Variants in KIAA0825 observed in about 807,000 individuals in gnomAD.
The protein encoded by KIAA0825 is uncharacterized protein KIAA0825.
Under a neutral mutation model 147.6 loss-of-function variants are expected in KIAA0825, and 119 were observed. That is an observed-to-expected ratio of 0.81 (90% confidence interval 0.69 to 0.94). The LOEUF (loss-of-function observed/expected upper bound fraction) is 0.94. Among genes scored for constraint, KIAA0825 ranks in the 40% least tolerant of loss-of-function variants. The pLI, the probability that KIAA0825 is intolerant of heterozygous loss-of-function variation, is 0.00. For synonymous variants in KIAA0825, 470 were observed against 518.1 expected (o/e 0.91, Z 1.26); for missense variants, 1,381 against 1,472.7 (o/e 0.94, Z 1.02).
At position 94,417,297 on chromosome 5, in the gene KIAA0825, A is replaced by G. The variant is rs368776730; in HGVS notation, c.2566T>C (p.Leu856=). Residue 856 remains leucine, a synonymous_variant, in exon 15 of 21, where the codon TTG becomes CTG. Coordinates refer to ENST00000682413, the MANE Select transcript of KIAA0825 (RefSeq NM_001145678.3). ...TGTGGAGAAAAACTGCAATGGTACA[A>G]TATTTTAAAGATGGCTTCCATCAAG... ...PSLMEAIFKI[L]YHCSFSPQTF... is the part of the protein sequence containing the mutation. 3 of 1,550,804 alleles carry G rather than the reference A, an allele frequency of 1.9e-6. No homozygotes were observed. In the African/African-American group the frequency reaches 4.1e-5, roughly 21 times the overall value.
chr5:94,386,406 T>G lies in KIAA0825; in HGVS notation c.3457-2A>C, dbSNP rs750122867. 6.2e-5 allele frequency: 96 copies of G among 1,542,162 alleles called. No individual in the cohort carries two copies. Among genetic ancestry groups the G allele is most frequent in the Non-Finnish European group, 8.0e-5 (92 of 1,143,916 alleles). Reference sequence around the variant, plus strand: ...AAACAGCTGTTCTTTTAAATATTCCTTCAAAGAAAAGAAATTACAAGTTGT... The same window carrying G: ...AAACAGCTGTTCTTTTAAATATTCCGTCAAAGAAAAGAAATTACAAGTTGT... On this transcript the variant is annotated splice_acceptor_variant, in intron 18 of 20. Transcript: ENST00000682413. LOFTEE classifies it high-confidence loss of function.
At chr5:94,578,672 A>C (rs1781505984) in intron 2 of KIAA0825, among the ~76,000 whole-genome samples, 1 of 152,218 alleles carries the variant, frequency 6.6e-6, no homozygotes, top group African/African-American at 2.4e-5. Flanking sequence ...TCATACAGAA[A>C]AATAAAAATG....
At chr5:94,523,324 C>A (rs1768579998) in intron 4 of KIAA0825, among the ~76,000 whole-genome samples, 1 of 151,546 alleles carries the variant, frequency 6.6e-6, no homozygotes, top group Admixed American at 6.6e-5. Context: ...CTTGGAGAAA[C>A]AAGTGTGATA....
chr5:94,531,793 G>A (rs905070885), intron 3 of KIAA0825, among the ~76,000 whole-genome samples: 3 of 152,150 alleles, frequency 2.0e-5, no homozygotes, highest in African/African-American at 7.2e-5. Flanking sequence ...AAAAACGATT[G>A]CAAACATTAA....
rs574795957 is a variant in KIAA0825, at chr5:94,592,354, C to T, written c.-152-9771G>A. On this transcript the variant is annotated intron_variant, in intron 1 of 20. Transcript: ENST00000682413. ...AGCCCCATGCAAGTCCAAAATCTGG[C>T]AGGGCAGTCAAATCTTAAAGCTTCA... 2.0e-5 allele frequency among the ~76,000 whole-genome samples: 3 copies of T among 152,268 alleles called. No individual in the cohort carries two copies. The East Asian group carries it at 5.8e-4, about 29-fold the overall frequency.
Position 94,384,420 on chromosome 5 carries a change from G to C in KIAA0825, c.3658C>G (p.Pro1220Ala). ...ATCTTATCCAGTCTCAGATAATTTGGCAGCAACTTTGCCCAATTCCAGTTC... is the reference window on the plus strand; with the variant it reads ...ATCTTATCCAGTCTCAGATAATTTGCCAGCAACTTTGCCCAATTCCAGTTC... ...KWNWNWAKLLPNYLRLDKMTF... is the reference protein window; with the variant it reads ...KWNWNWAKLLANYLRLDKMTF... Residue 1220 changes from proline (P) to alanine (A), a missense_variant, in exon 20 of 21, where the codon CCA (proline) becomes GCA (alanine). Coordinates refer to ENST00000682413, the MANE Select transcript of KIAA0825 (RefSeq NM_001145678.3). The C allele has an allele frequency of 6.4e-7, 1 of 1,551,870 alleles. No homozygotes were observed. Among genetic ancestry groups the C allele is most frequent in the Non-Finnish European group, 8.7e-7 (1 of 1,146,954 alleles).
At chr5:94,375,267 G>A (rs1042120714) in intron 20 of KIAA0825, among the ~76,000 whole-genome samples, 7 of 151,946 alleles carry the variant, frequency 4.6e-5, no homozygotes, top group South Asian at 2.1e-4. Flanking sequence ...TCCTGACCTC[G>A]TGATCTGCCC....
At chr5:94,435,524 G>GATGGGC (rs1756248129) in intron 14 of KIAA0825, among the ~76,000 whole-genome samples, 1 of 151,920 alleles carries the variant, frequency 6.6e-6, no homozygotes, top group African/African-American at 2.4e-5. Flanking sequence ...GTCTATCATT[G>GATGGGC]ATGGGCATTT....
Position 94,484,892 on chromosome 5 carries a change from G to C in KIAA0825, c.1009C>G (p.Leu337Val). ...AAGAATTCGACTTTGTCTAAAGGGA[G>C]AGAGAAGTTTCTTCCTTTCTGTGGG... ...ECPQKGRNFS[L>V]PLDKVEFLSQ... The change falls in exon 6 of 21, where the codon CTC (leucine) becomes GTC (valine). Residue 337 changes from leucine (L) to valine (V), a missense_variant. Physicochemically the swap from Leu to Val is conservative, Grantham distance 32. Coordinates refer to ENST00000682413, the MANE Select transcript of KIAA0825 (RefSeq NM_001145678.3). The C allele has an allele frequency of 6.5e-7, 1 of 1,528,138 alleles. No homozygotes were observed. Among genetic ancestry groups the C allele is most frequent in the Non-Finnish European group, 8.8e-7 (1 of 1,130,928 alleles). 94.7% of individuals were successfully genotyped at this position (1,528,138 alleles called of 1,614,324 possible). A position where few individuals can be genotyped will look rare whatever the true frequency, so the allele number is the denominator to read the frequency against.
intron 20 of KIAA0825, among the ~76,000 whole-genome samples, chr5:94,234,721 T>C (rs1457403046): frequency 1.3e-5 from 2 of 152,134 alleles, no homozygotes; most frequent in East Asian, 3.9e-4. Context: ...GAACTCAGAA[T>C]GAGAGCTCAC....
At chr5:94,592,843 TG>T in intron 1 of KIAA0825, 1 of 567,494 alleles carries the variant, frequency 1.8e-6, no homozygotes, top group South Asian at 1.7e-5. Context: ...TCCATTCTCC[TG>T]GACTGTGTTT....
At chr5:94,608,569 A>G (rs1312210201) in intron 1 of KIAA0825, among the ~76,000 whole-genome samples, 1 of 124,646 alleles carries the variant, frequency 8.0e-6, no homozygotes, top group Non-Finnish European at 1.6e-5. Context: ...CTTGACTTCA[A>G]GTGATCTACC....
At chr5:94,302,059 C>T (rs1015450724) in intron 20 of KIAA0825, among the ~76,000 whole-genome samples, 2 of 152,144 alleles carry the variant, frequency 1.3e-5, no homozygotes, top group Admixed American at 1.3e-4. Flanking sequence ...AGAAGCTTCC[C>T]TGGCCTCCAT....
chr5:94,183,517 G>T (rs1436719877), intron 20 of KIAA0825, among the ~76,000 whole-genome samples: 1 of 152,164 alleles, frequency 6.6e-6, no homozygotes, highest in African/African-American at 2.4e-5. Context: ...TTAGGATGGG[G>T]CTGGTTCTCA....
chr5:94,255,707 CTTTTTT>C (rs57646287), intron 20 of KIAA0825, among the ~76,000 whole-genome samples: 4 of 47,816 alleles, frequency 8.4e-5, no homozygotes, highest in Non-Finnish European at 1.1e-4. Context: ...AGAATTATGG[CTTTTTT>C]TTTTTTTTTT....
In KIAA0825 at chr5:94,396,359, A is replaced by G. The variant is rs1372968275; in HGVS notation, c.3038T>C (p.Leu1013Pro). Residue 1013 changes from leucine (L) to proline (P), a missense_variant, in exon 17 of 21, where the codon CTG becomes CCG. Leu to Pro is a moderately conservative substitution (Grantham distance 98). Coordinates refer to ENST00000682413, the MANE Select transcript of KIAA0825 (RefSeq NM_001145678.3). The part of the protein sequence containing the change: ...KKFVELKKAG[L>P]LVWNLIVIIC... ...AATTACAATCAAGTTCCAGACAAGC[A>G]GGCCAGCTTTCTTCAATTCAACAAA... 1.3e-6 allele frequency: 2 copies of G among 1,550,920 alleles called. No homozygotes were observed. The highest frequency in any genetic ancestry group is 1.7e-4 in the Middle Eastern group (1 of 5,984).
rs181071998 is a variant in KIAA0825, at chr5:94,260,405, A to G, written c.3711-106281T>C. On this transcript the variant is annotated intron_variant, in intron 20 of 20. Transcript: ENST00000682413. ...AAGGAGAAAAGAAATTAGCTTTTTA[A>G]GTATGTTCTTACATAAAACAGGTTC... Among the ~76,000 whole-genome samples the G allele has an allele frequency of 3.3e-3, 499 of 152,286 alleles. 1 individual carries two copies. The highest frequency in any genetic ancestry group is 5.5e-3 in the Non-Finnish European group (375 of 67,996).
intron 20 of KIAA0825, among the ~76,000 whole-genome samples, chr5:94,369,141 G>C (rs1746296816): frequency 6.6e-6 from 1 of 152,084 alleles, no homozygotes; most frequent in Admixed American, 6.6e-5. Context: ...CTAGGTGACA[G>C]AGTGAGACCT....
chr5:94,346,933 T>G (rs1783067153), intron 20 of KIAA0825, among the ~76,000 whole-genome samples: 1 of 152,146 alleles, frequency 6.6e-6, no homozygotes, highest in African/African-American at 2.4e-5. Context: ...CAAGCCTGTA[T>G]GACTCTGCCT....
Sources: gnomAD v4.1 joint callset for allele counts (sites outside exome capture counted in the v4.1 genomes callset) on GRCh38, gnomAD v4.1.1 for gene constraint, MANE v1.5 for transcripts, NCBI Gene and HGNC (gene_info 2026-07-23, HGNC 2026-07-21) for gene names.